The following SFRP1 variants were observed in gnomAD, a reference collection of about 807,000 sequenced individuals.
SFRP1 encodes secreted frizzled related protein 1, also known as secreted frizzled-related protein 1.
Under a neutral mutation model 25.9 loss-of-function variants are expected in SFRP1, and 9 were observed. That is an observed-to-expected ratio of 0.35 (90% CI 0.21 to 0.61). The LOEUF is 0.61. Ranked by LOEUF, SFRP1 falls within the 20% of genes least tolerant of loss-of-function variation. SFRP1 has a pLI of 0.78. For missense variants in SFRP1, 346 were observed against 418.2 expected (o/e 0.83, Z 1.51); for synonymous variants, 178 against 174.0 (o/e 1.02, Z -0.18).
intron 2 of SFRP1, among the ~76,000 whole-genome samples, chr8:41,302,865 G>T (rs1396101462): frequency 1.3e-5 from 2 of 151,732 alleles, no homozygotes; most frequent in African/African-American, 4.8e-5. Flanking sequence ...GATGGAGAGT[G>T]ACTTGGGAAG....
rs538494634 is a variant in SFRP1 at position 41,280,601 on chromosome 8, G to A, written c.623-15112C>T. 7.9e-5 allele frequency among the ~76,000 whole-genome samples: 12 copies of A among 152,298 alleles called. No individual in the cohort carries two copies. In the South Asian group the frequency reaches 8.3e-4, roughly 11 times the overall value. ...AGGTTCTGAGAGCTGAAGGGAGCAA[G>A]CGGCAATAAAAACCCATACGACCCC... On this transcript the variant is annotated intron_variant, in intron 2 of 2. Transcript: ENST00000220772.
chr8:41,296,542 A>G (rs1416112338), intron 2 of SFRP1, among the ~76,000 whole-genome samples: 1 of 151,462 alleles, frequency 6.6e-6, no homozygotes, highest in African/African-American at 2.4e-5. Flanking sequence ...CTTCCAGCAC[A>G]TTTCTGCAAA....
chr8:41,299,499 T>TAAAAAAAAAAAAA (rs576175856), intron 2 of SFRP1, among the ~76,000 whole-genome samples: 2 of 56,060 alleles, frequency 3.6e-5, no homozygotes, highest in Admixed American at 2.5e-4. Context: ...TTCTCCTTTA[T>TAAAAAAAAAAAAA]AAAAAAAAAA....
At chr8:41,299,549 C>A (rs1207321090) in intron 2 of SFRP1, among the ~76,000 whole-genome samples, 1 of 144,098 alleles carries the variant, frequency 6.9e-6, no homozygotes, top group Non-Finnish European at 1.5e-5. Context: ...GCCTGCAATC[C>A]CAGCATTTTG....
intron 2 of SFRP1, among the ~76,000 whole-genome samples, chr8:41,294,723 C>A (rs16890434): frequency 0.017 from 2,568 of 152,218 alleles, 79 homozygotes; most frequent in African/African-American, 0.058. Flanking sequence ...ATGCTTACAG[C>A]CCCCCAAACC....
chr8:41,273,397 C>A lies in SFRP1; in HGVS notation c.623-7908G>T, dbSNP rs558844763. On this transcript the variant is annotated intron_variant, in intron 2 of 2. Coordinates refer to ENST00000220772, the MANE Select transcript of SFRP1 (RefSeq NM_003012.5). ...GCCGATCTACTCAGGAGGGCTGAGGCAGGAGAATTGCTTGAACTCGGGAGG... is the reference window on the plus strand; with the variant it reads ...GCCGATCTACTCAGGAGGGCTGAGGAAGGAGAATTGCTTGAACTCGGGAGG... Among the ~76,000 whole-genome samples the A allele has an allele frequency of 1.2e-3, 184 of 151,812 alleles. 1 individual carries two copies. Among genetic ancestry groups the A allele is most frequent in the African/African-American group, 4.0e-3 (164 of 41,380 alleles).
At chr8:41,284,702 G>A (rs1253497169) in intron 2 of SFRP1, among the ~76,000 whole-genome samples, 1 of 152,204 alleles carries the variant, frequency 6.6e-6, no homozygotes, top group Non-Finnish European at 1.5e-5. Flanking sequence ...AGGGAAGGTG[G>A]CGTAGGGGGA....
At chr8:41,286,224 C>G (rs1199588956) in intron 2 of SFRP1, among the ~76,000 whole-genome samples, 6 of 152,162 alleles carry the variant, frequency 3.9e-5, no homozygotes, top group African/African-American at 9.7e-5. Context: ...AACAAGGAAA[C>G]CTGCCAGGAG....
chr8:41,304,560 C>T (rs1020701469), intron 1 of SFRP1, among the ~76,000 whole-genome samples: 2 of 152,136 alleles, frequency 1.3e-5, no homozygotes, highest in African/African-American at 2.4e-5. Flanking sequence ...GGAAAGTCAC[C>T]GCTGACCCTG....
chr8:41,305,211 G>A (rs1304628765), intron 1 of SFRP1, among the ~76,000 whole-genome samples: 1 of 152,314 alleles, frequency 6.6e-6, no homozygotes, highest in East Asian at 1.9e-4. Context: ...ACATAGCAAC[G>A]TTCTGTGAAT....
intron 2 of SFRP1, among the ~76,000 whole-genome samples, chr8:41,293,626 G>A (rs541321409): frequency 5.4e-4 from 82 of 151,868 alleles, no homozygotes; most frequent in Non-Finnish European, 9.9e-4. Flanking sequence ...AGGCCCCACC[G>A]AAGACCCCTC....
Position 41,309,237 on chromosome 8 carries a change from C to T in SFRP1, c.-78G>A. On this transcript the variant is annotated 5_prime_UTR_variant, in exon 1 of 3. Coordinates refer to ENST00000220772, the MANE Select transcript of SFRP1 (RefSeq NM_003012.5). ...CCGCGCGCGTCCTGCCGCAAACTTC[C>T]AGGGACCTCCGGGGACAAAAGGCGC... The T allele has an allele frequency of 1.6e-6, 2 of 1,253,950 alleles. No individual in the cohort carries two copies. The highest frequency in any genetic ancestry group is 6.5e-5 in the South Asian group (2 of 30,848). 77.7% of individuals were successfully genotyped at this position (1,253,950 alleles called of 1,614,324 possible). A position where few individuals can be genotyped will look rare whatever the true frequency, so the allele number is the denominator to read the frequency against.
At chr8:41,307,132 G>A (rs1159940272) in intron 1 of SFRP1, 5 of 838,048 alleles carry the variant, frequency 6.0e-6, no homozygotes, top group Non-Finnish European at 8.5e-6. Flanking sequence ...GGCTGCAGGG[G>A]ATGGGTGCAA....
At chr8:41,288,286 G>A (rs1803732470) in intron 2 of SFRP1, among the ~76,000 whole-genome samples, 1 of 152,006 alleles carries the variant, frequency 6.6e-6, no homozygotes, top group Non-Finnish European at 1.5e-5. Context: ...GAACCCAGGA[G>A]GCAGAGGTTG....
chr8:41,301,916 T>C (rs573635806), intron 2 of SFRP1, among the ~76,000 whole-genome samples: 86 of 152,338 alleles, frequency 5.6e-4, no homozygotes, highest in African/African-American at 2.0e-3. Context: ...CCAGATGAGT[T>C]ACCTGAGTGC....
chr8:41,296,783 G>A (rs556185915), intron 2 of SFRP1, among the ~76,000 whole-genome samples: 55 of 152,162 alleles, frequency 3.6e-4, no homozygotes, highest in African/African-American at 1.2e-3. Flanking sequence ...AAAGGAGAAC[G>A]CGTTAGGTAG....
chr8:41,308,564 C>T (rs1804027295), intron 1 of SFRP1, 52 bp downstream of exon 1: 1 of 1,437,592 alleles, frequency 7.0e-7, no homozygotes. Flanking sequence ...CCTGCAGCTC[C>T]GGCCGGGGGA....
rs907999722 is a variant in SFRP1, at chr8:41,309,415, A to T, written c.-256T>A. 5.1e-5 allele frequency: 9 copies of T among 175,478 alleles called. No homozygotes were observed. Among genetic ancestry groups the T allele is most frequent in the Non-Finnish European group, 8.1e-5 (7 of 86,928 alleles). The allele number at this position is 175,478 out of a possible 1,614,324, so 10.9% of individuals were successfully genotyped here. ...GGCTCCCGGAGGTGCGGCGAGCAGGAAGGCGCGGGGCGGCGGGCGCGCGGC... is the reference window on the plus strand; with the variant it reads ...GGCTCCCGGAGGTGCGGCGAGCAGGTAGGCGCGGGGCGGCGGGCGCGCGGC... On this transcript the variant is annotated 5_prime_UTR_variant, in exon 1 of 3. Coordinates refer to ENST00000220772, the MANE Select transcript of SFRP1 (RefSeq NM_003012.5).
intron 2 of SFRP1, among the ~76,000 whole-genome samples, chr8:41,293,865 C>A (rs1201498395): frequency 1.3e-5 from 2 of 151,918 alleles, no homozygotes; most frequent in African/African-American, 4.8e-5. Context: ...CTCGACCTCG[C>A]GGGCTCAGAC....
Sources: allele counts gnomAD v4.1 joint callset (sites outside exome capture counted in the v4.1 genomes callset), GRCh38; gene constraint gnomAD v4.1.1; transcripts MANE v1.5; gene names NCBI Gene and HGNC (gene_info 2026-07-23, HGNC 2026-07-21).